TPCN2: variants seen among roughly 807,000 people sequenced by gnomAD.
TPCN2 encodes two pore channel protein 2.
Under a neutral mutation model 111.4 loss-of-function variants are expected in TPCN2, and 92 were observed. The observed-to-expected ratio is 0.83, with a 90% CI of 0.70 to 0.98. The LOEUF (loss-of-function observed/expected upper bound fraction) is 0.98, where lower values mean the gene tolerates loss of function less well. Among genes scored for constraint, TPCN2 ranks in the 50% least tolerant of loss-of-function variants. TPCN2 has a pLI of 0.00. For synonymous variants in TPCN2, 405 were observed against 414.5 expected (o/e 0.98, Z 0.28); for missense variants, 995 against 980.1 (o/e 1.02, Z -0.20).
chr11:69,066,822 G>A (rs1402846699), intron 7 of TPCN2, among the ~76,000 whole-genome samples: 1 of 152,158 alleles, frequency 6.6e-6, no homozygotes, highest in East Asian at 1.9e-4. Flanking sequence ...GTAGGCAGAG[G>A]GTGCCCATGA....
intron 13 of TPCN2, among the ~76,000 whole-genome samples, chr11:69,077,315 C>T (rs1487690223): frequency 1.3e-5 from 1 of 78,552 alleles, no homozygotes; most frequent in Non-Finnish European, 3.0e-5. Flanking sequence ...TGCCGTGTCC[C>T]TCCACCTGCC....
intron 18 of TPCN2, chr11:69,083,309 A>G (rs1005912059): frequency 2.6e-5 from 4 of 153,502 alleles, no homozygotes; most frequent in African/African-American, 9.6e-5. Context: ...ACGTGTGCAC[A>G]CGTACATGCT....
rs1227763050 is a variant in TPCN2, at chr11:69,088,873, A to G, written c.*920A>G. 4.6e-5 allele frequency: 7 copies of G among 152,106 alleles called. No individual in the cohort carries two copies. The highest frequency in any genetic ancestry group is 1.7e-4 in the African/African-American group (7 of 41,388). The allele number at this position is 152,106 out of a possible 1,614,324, so 9.4% of individuals were successfully genotyped here. ...CCCTTTCTGCTGAGGTTTGGGTGCCATCTAGTGGTGGGATGGGACTTGGTT... is the reference window on the plus strand; with the variant it reads ...CCCTTTCTGCTGAGGTTTGGGTGCCGTCTAGTGGTGGGATGGGACTTGGTT... On this transcript the variant is annotated 3_prime_UTR_variant, in exon 25 of 25. Coordinates refer to ENST00000294309, the MANE Select transcript of TPCN2 (RefSeq NM_139075.4).
At position 69,062,677 on chromosome 11, in the gene TPCN2, G is replaced by A. The variant is rs928593798; in HGVS notation, c.547-207G>A. ...GAGTTGGGAGATGGGTAGTGGGGAG[G>A]CCTGTGACAGGGAAGGACTGCAGAG... On this transcript the variant is annotated intron_variant, in intron 5 of 24. Coordinates refer to ENST00000294309, the MANE Select transcript of TPCN2 (RefSeq NM_139075.4). Among the ~76,000 whole-genome samples the A allele has an allele frequency of 2.0e-5, 3 of 152,100 alleles. No individual in the cohort carries two copies. In the South Asian group the frequency reaches 6.2e-4, roughly 31 times the overall value.
At chr11:69,086,992 G>A (rs1856309946) in intron 23 of TPCN2, 120 bp from the exon 24 acceptor site, 3 of 793,954 alleles carry the variant, frequency 3.8e-6, no homozygotes, top group Non-Finnish European at 6.1e-6. Context: ...TGGGTGTCCA[G>A]GGTGAATGGC....
In TPCN2 at chr11:69,090,109, C is replaced by G. The variant is rs1008581478; in HGVS notation, c.*2156C>G. Reference sequence around the variant, plus strand: ...CCAGGATGTGGGTGCGAGGCGTGCTCCTGGCTGTTGCAGATTGCTGCACCC... The same window carrying G: ...CCAGGATGTGGGTGCGAGGCGTGCTGCTGGCTGTTGCAGATTGCTGCACCC... On this transcript the variant is annotated 3_prime_UTR_variant, in exon 25 of 25. Coordinates refer to ENST00000294309, the MANE Select transcript of TPCN2 (RefSeq NM_139075.4). 6.6e-6 allele frequency: 1 copy of G among 152,144 alleles called. No individual in the cohort carries two copies. The highest frequency in any genetic ancestry group is 2.4e-5 in the African/African-American group (1 of 41,422). The allele number at this position is 152,144 out of a possible 1,614,324, so 9.4% of individuals were successfully genotyped here. A position where few individuals can be genotyped will look rare whatever the true frequency, so the allele number is the denominator to read the frequency against.
intron 19 of TPCN2, among the ~76,000 whole-genome samples, chr11:69,084,264 A>G (rs1193043413): frequency 2.0e-5 from 3 of 152,158 alleles, no homozygotes; most frequent in Non-Finnish European, 2.9e-5. Flanking sequence ...CTTCCCTCCC[A>G]TGGCAGAGAC....
At chr11:69,049,902 G>A (rs1051495876) in intron 1 of TPCN2, among the ~76,000 whole-genome samples, 1 of 152,212 alleles carries the variant, frequency 6.6e-6, no homozygotes, top group Non-Finnish European at 1.5e-5. Context: ...AGGAAACTGA[G>A]GCCCAGAGAG....
chr11:69,071,417 G>C lies in TPCN2; in HGVS notation c.957G>C (p.Leu319=), dbSNP rs1176199839. ...AIIYSQFRGY[L]MKSLQTSLFR... ...TCTACAGTCAGTTCCGGGGCTACCTGATGGTGAGCGAGCTCCCCAATGCTG... is the reference window on the plus strand; with the variant it reads ...TCTACAGTCAGTTCCGGGGCTACCTCATGGTGAGCGAGCTCCCCAATGCTG... The change falls in exon 10 of 25, where the codon CTG becomes CTC. Residue 319 remains leucine, a synonymous_variant. Transcript: ENST00000294309. 6 of 1,612,962 alleles carry C rather than the reference G, an allele frequency of 3.7e-6. No individual in the cohort carries two copies. The highest frequency in any genetic ancestry group is 2.2e-5 in the East Asian group (1 of 44,860).
intron 18 of TPCN2, among the ~76,000 whole-genome samples, chr11:69,082,614 C>T (rs935094272): frequency 3.5e-4 from 52 of 149,120 alleles, no homozygotes; most frequent in African/African-American, 1.2e-3. Context: ...TGAACTCGTG[C>T]CCGGGTAAGA....
intron 7 of TPCN2, among the ~76,000 whole-genome samples, chr11:69,066,833 G>A (rs1404893095): frequency 6.6e-6 from 1 of 152,188 alleles, no homozygotes; most frequent in East Asian, 1.9e-4. Flanking sequence ...GTGCCCATGA[G>A]CCTGGCCCCA....
At chr11:69,087,281 A>T in intron 24 of TPCN2, 75 bp downstream of exon 24, 1 of 1,330,772 alleles carries the variant, frequency 7.5e-7, no homozygotes, top group Non-Finnish European at 1.1e-6. Context: ...GGAGGGGTTG[A>T]GGCGGCGGGC....
intron 23 of TPCN2, among the ~76,000 whole-genome samples, chr11:69,086,814 C>G (rs1251362981): frequency 6.7e-6 from 1 of 149,002 alleles, no homozygotes; most frequent in African/African-American, 2.6e-5. Flanking sequence ...CTCCTGACAT[C>G]TGGGCTGCTG....
At chr11:69,071,489 T>C in intron 10 of TPCN2, 69 bp downstream of exon 10, 1 of 1,421,858 alleles carries the variant, frequency 7.0e-7, no homozygotes, top group Non-Finnish European at 9.8e-7. Context: ...TGGCTTGAGA[T>C]GAGCAGCTGG....
intron 24 of TPCN2, 130 bp from the exon 25 acceptor site, chr11:69,087,745 C>T: frequency 1.5e-6 from 1 of 657,342 alleles, no homozygotes; most frequent in Admixed American, 2.9e-5. Context: ...TCATCTGAGT[C>T]CCCGTGTCTC....
At chr11:69,076,404 A>G (rs1347563886) in intron 13 of TPCN2, among the ~76,000 whole-genome samples, 1 of 152,094 alleles carries the variant, frequency 6.6e-6, no homozygotes, top group Non-Finnish European at 1.5e-5. Context: ...GACTGTGGGA[A>G]GCTGGGAAAT....
At chr11:69,059,339 G>C (rs1038988254) in intron 5 of TPCN2, among the ~76,000 whole-genome samples, 6 of 151,078 alleles carry the variant, frequency 4.0e-5, no homozygotes, top group African/African-American at 1.5e-4. Flanking sequence ...ATGGTCCAGC[G>C]TGTGTCCCGG....
chr11:69,071,423 G>C lies in TPCN2; in HGVS notation c.960+3G>C. The C allele has an allele frequency of 1.2e-6, 2 of 1,612,640 alleles. No homozygotes were observed. The highest frequency in any genetic ancestry group is 1.7e-6 in the Non-Finnish European group (2 of 1,179,432). On this transcript the variant is annotated splice_donor_region_variant and intron_variant, in intron 10 of 24. Transcript: ENST00000294309. The stretch of plus-strand genomic sequence containing the variant: ...GTCAGTTCCGGGGCTACCTGATGGT[G>C]AGCGAGCTCCCCAATGCTGGCTGTG...
At chr11:69,050,186 T>C (rs1861158207) in intron 1 of TPCN2, among the ~76,000 whole-genome samples, 1 of 152,186 alleles carries the variant, frequency 6.6e-6, no homozygotes, top group Non-Finnish European at 1.5e-5. Context: ...CCTCAGAAGC[T>C]GCCTCCAGGA....
Sources: allele counts gnomAD v4.1 joint callset (sites outside exome capture counted in the v4.1 genomes callset), GRCh38; gene constraint gnomAD v4.1.1; transcripts MANE v1.5; gene names NCBI Gene and HGNC (gene_info 2026-07-23, HGNC 2026-07-21).